The following FOXN3 variants were observed in gnomAD, a reference collection of about 807,000 sequenced individuals.
FOXN3 encodes the protein forkhead box N3.
A neutral mutation model predicts 38.4 loss-of-function variants in FOXN3; 7 were observed. That is an observed-to-expected ratio of 0.18 (90% CI 0.10 to 0.34). The LOEUF (loss-of-function observed/expected upper bound fraction) is 0.34, where lower values mean the gene tolerates loss of function less well. FOXN3 is among the 10% of genes least tolerant of loss of function. The probability of loss-of-function intolerance (pLI) is 1.00; values close to 1 mark genes in which losing one functional copy is unlikely to be tolerated. For missense variants in FOXN3, 456 were observed against 613.4 expected (o/e 0.74, Z 2.71); for synonymous variants, 230 against 242.2 (o/e 0.95, Z 0.47).
chr14:89,533,370 T>C (rs984762896), intron 1 of FOXN3, among the ~76,000 whole-genome samples: 1 of 152,170 alleles, frequency 6.6e-6, no homozygotes, highest in Admixed American at 6.5e-5. Context: ...CACTGTCAGA[T>C]ATGCAGATTC....
chr14:89,467,621 C>T (rs1566666216), intron 1 of FOXN3, among the ~76,000 whole-genome samples: 1 of 138,534 alleles, frequency 7.2e-6, no homozygotes, highest in Non-Finnish European at 1.6e-5. Context: ...TTCCCTCTTG[C>T]TTTTTTTTTT....
intron 2 of FOXN3, among the ~76,000 whole-genome samples, chr14:89,365,389 A>C (rs1444599445): frequency 6.6e-6 from 1 of 152,224 alleles, no homozygotes; most frequent in Non-Finnish European, 1.5e-5. Flanking sequence ...GATCATGAAA[A>C]CATCCAAATT....
intron 1 of FOXN3, among the ~76,000 whole-genome samples, chr14:89,590,394 T>A (rs559332421): frequency 6.6e-6 from 1 of 152,062 alleles, no homozygotes; most frequent in East Asian, 1.9e-4. Flanking sequence ...GAGTGACAGA[T>A]GAACTCAGGC....
chr14:89,430,232 C>T (rs1239547941), intron 1 of FOXN3, among the ~76,000 whole-genome samples: 1 of 152,016 alleles, frequency 6.6e-6, no homozygotes, highest in Non-Finnish European at 1.5e-5. Context: ...TTTTTCCACT[C>T]TTTGAGAGGT....
chr14:89,398,723 C>T lies in FOXN3; in HGVS notation c.543+13211G>A, dbSNP rs534808108. On this transcript the variant is annotated intron_variant, in intron 2 of 5. Coordinates refer to ENST00000557258, the MANE Select transcript of FOXN3 (RefSeq NM_005197.4). ...TACTGGGCTGGGCACGGTGGCTTAACACCTGTAATCCCAGCACTTTGGAAG... is the reference window on the plus strand; with the variant it reads ...TACTGGGCTGGGCACGGTGGCTTAATACCTGTAATCCCAGCACTTTGGAAG... Among the ~76,000 whole-genome samples, 5 of 152,304 alleles carry T rather than the reference C, an allele frequency of 3.3e-5. No homozygotes were observed. In the South Asian group the frequency reaches 8.3e-4, roughly 25 times the overall value.
chr14:89,462,586 G>C (rs995952750), intron 1 of FOXN3, among the ~76,000 whole-genome samples: 3 of 152,132 alleles, frequency 2.0e-5, no homozygotes, highest in African/African-American at 7.2e-5. Flanking sequence ...TTCCTGATGG[G>C]GACTCTGTCT....
chr14:89,532,790 A>AAAAAC (rs767406412), intron 1 of FOXN3, among the ~76,000 whole-genome samples: 1 of 152,234 alleles, frequency 6.6e-6, no homozygotes, highest in Non-Finnish European at 1.5e-5. Context: ...ACATAGATTT[A>AAAAAC]AAAACAAAAC....
chr14:89,316,416 C>T (rs1217654232), intron 3 of FOXN3, among the ~76,000 whole-genome samples: 2 of 152,136 alleles, frequency 1.3e-5, no homozygotes, highest in East Asian at 3.9e-4. Context: ...GTCACCAAGG[C>T]TAGATCATGG....
intron 1 of FOXN3, among the ~76,000 whole-genome samples, chr14:89,568,690 C>G (rs1385728560): frequency 6.6e-6 from 1 of 152,172 alleles, no homozygotes; most frequent in Non-Finnish European, 1.5e-5. Flanking sequence ...GGCAAGGGCC[C>G]CCTCTGGTCT....
At chr14:89,283,426 TCC>T (rs1292757337) in intron 3 of FOXN3, among the ~76,000 whole-genome samples, 1 of 152,026 alleles carries the variant, frequency 6.6e-6, no homozygotes, top group East Asian at 1.9e-4. Flanking sequence ...CTTGATTTTT[TCC>T]CCCCTCCATC....
intron 4 of FOXN3, among the ~76,000 whole-genome samples, chr14:89,241,526 T>C (rs1390818665): frequency 6.6e-6 from 1 of 152,174 alleles, no homozygotes; most frequent in Non-Finnish European, 1.5e-5. Context: ...CATCAGGTGA[T>C]ACACTTACCT....
intron 4 of FOXN3, among the ~76,000 whole-genome samples, chr14:89,229,075 T>G (rs189804223): frequency 6.6e-5 from 10 of 152,148 alleles, no homozygotes; most frequent in Non-Finnish European, 1.2e-4. Flanking sequence ...GAACAACCAA[T>G]ACAGCCCTGA....
intron 1 of FOXN3, among the ~76,000 whole-genome samples, chr14:89,481,320 T>C (rs1308877172): frequency 6.6e-6 from 1 of 152,130 alleles, no homozygotes; most frequent in Non-Finnish European, 1.5e-5. Flanking sequence ...TAGGGAGTGG[T>C]GGCAGGGGAC....
chr14:89,531,965 C>G (rs1376648962), intron 1 of FOXN3, among the ~76,000 whole-genome samples: 1 of 152,236 alleles, frequency 6.6e-6, no homozygotes, highest in Non-Finnish European at 1.5e-5. Flanking sequence ...TGAGCCACCA[C>G]ACCTGGCCTT....
intron 2 of FOXN3, among the ~76,000 whole-genome samples, chr14:89,365,534 C>T (rs1209338908): frequency 6.6e-6 from 1 of 152,188 alleles, no homozygotes. Context: ...CTAGCTAAAT[C>T]GGTTTTATCC....
chr14:89,572,269 A>C (rs991123368), intron 1 of FOXN3, among the ~76,000 whole-genome samples: 1 of 152,252 alleles, frequency 6.6e-6, no homozygotes. Flanking sequence ...TAATGTACTC[A>C]GAGAATATAA....
chr14:89,601,250 G>T (rs971551171), intron 1 of FOXN3, among the ~76,000 whole-genome samples: 4 of 152,262 alleles, frequency 2.6e-5, no homozygotes, highest in African/African-American at 9.6e-5. Context: ...ATTTAAGATG[G>T]CTTGATTCAA....
intron 3 of FOXN3, among the ~76,000 whole-genome samples, chr14:89,341,210 C>CA (rs1217169874): frequency 6.6e-6 from 1 of 152,220 alleles, no homozygotes; most frequent in Non-Finnish European, 1.5e-5. Context: ...TCTGTCCACC[C>CA]ACCCAACAAC....
upstream of FOXN3, among the ~76,000 whole-genome samples, chr14:89,418,129 G>A (rs1891803781): frequency 6.6e-6 from 1 of 152,088 alleles, no homozygotes; most frequent in South Asian, 2.1e-4. Context: ...AGTCCAACAG[G>A]ACACCCTGGT....
Sources: allele counts gnomAD v4.1 joint callset (sites outside exome capture counted in the v4.1 genomes callset), GRCh38; gene constraint gnomAD v4.1.1; transcripts MANE v1.5; gene names NCBI Gene and HGNC (gene_info 2026-07-23, HGNC 2026-07-21).